The following DDX41 variants were observed in gnomAD, a reference collection of about 807,000 sequenced individuals.
The protein encoded by DDX41 is DEAD-box helicase 41.
In DDX41, 50 loss-of-function variants were observed where a neutral mutation model predicts 78.8. The ratio of observed to expected loss-of-function variants is 0.63; its 90% CI spans 0.51 to 0.80. The LOEUF is 0.80. Among genes scored for constraint, DDX41 ranks in the 30% least tolerant of loss-of-function variants. The pLI is 0.00. For missense variants in DDX41, 633 were observed against 849.2 expected (o/e 0.75, Z 3.16); for synonymous variants, 381 against 321.5 (o/e 1.19, Z -1.98).
At chr5:177,515,281 T>C (rs971665080) in intron 6 of DDX41, 23 bp from the exon 7 acceptor site, 3 of 1,613,278 alleles carry the variant, frequency 1.9e-6, no homozygotes, top group Non-Finnish European at 2.5e-6. Context: ...ACCGACATCG[T>C]CTTCATGACT....
chr5:177,516,570 C>A, intron 2 of DDX41, 123 bp from the exon 3 acceptor site: 1 of 1,417,774 alleles, frequency 7.1e-7, no homozygotes, highest in South Asian at 1.2e-5. Flanking sequence ...CCCCTCAGAT[C>A]AAGCCGTCGG....
At chr5:177,516,875 T>C in intron 1 of DDX41, 40 bp from the exon 2 acceptor site, 5 of 1,613,240 alleles carry the variant, frequency 3.1e-6, no homozygotes, top group South Asian at 1.1e-5. Flanking sequence ...TGCTCCCCTC[T>C]TCACGCCCGC....
chr5:177,511,996 C>T (rs1429683359), intron 16 of DDX41, 69 bp from the exon 17 acceptor site: 13 of 1,606,114 alleles, frequency 8.1e-6, no homozygotes, highest in Non-Finnish European at 1.1e-5. Flanking sequence ...TCGGGCCCCC[C>T]GTTAGGCACC....
intron 13 of DDX41, 66 bp downstream of exon 13, chr5:177,512,714 G>C: frequency 6.2e-7 from 1 of 1,613,184 alleles, no homozygotes; most frequent in African/African-American, 1.3e-5. Flanking sequence ...AACCAGGCAG[G>C]GGAAGGCATT....
rs1761111087 is a variant in DDX41, at chr5:177,514,099, C to T, written c.936-252G>A. 1.5e-6 allele frequency: 1 copy of T among 656,372 alleles called. No individual in the cohort carries two copies. The highest frequency in any genetic ancestry group is 2.4e-4 in the Middle Eastern group (1 of 4,198). 40.7% of individuals were successfully genotyped at this position (656,372 alleles called of 1,614,324 possible). A position where few individuals can be genotyped will look rare whatever the true frequency, so the allele number is the denominator to read the frequency against. Reference sequence around the variant, plus strand: ...TGGGTCAGCCTCTCACCCAGAAGCGCTGTCATCAAGCTCCAGAGGCTTTAC... The same window carrying T: ...TGGGTCAGCCTCTCACCCAGAAGCGTTGTCATCAAGCTCCAGAGGCTTTAC... On this transcript the variant is annotated intron_variant, in intron 9 of 16. Coordinates refer to ENST00000330503, the MANE Select transcript of DDX41 (RefSeq NM_016222.4). The surrounding 1 kb of genome is among the most constrained non-coding windows in gnomAD (Gnocchi z 4.2).
rs762515434 is a variant in DDX41, at chr5:177,515,026, C to G, written c.688G>C (p.Gly230Arg). ...GGCAACGTGAACACCAGTGTCTTGCCTGAACCCGTGAAAGCGATGCCTATC... is the reference window on the plus strand; with the variant it reads ...GGCAACGTGAACACCAGTGTCTTGCGTGAACCCGTGAAAGCGATGCCTATC... ...DMIGIAFTGS[G>R]KTLVFTLPVI... The change falls in exon 8 of 17, where the codon GGC (glycine) becomes CGC (arginine). Residue 230 changes from glycine (G) to arginine (R), a missense_variant. Gly to Arg is a moderately radical substitution (Grantham distance 125). Transcript: ENST00000330503. The G allele has an allele frequency of 6.2e-7, 1 of 1,613,690 alleles. No individual in the cohort carries two copies. The highest frequency in any genetic ancestry group is 8.5e-7 in the Non-Finnish European group (1 of 1,179,704).
At chr5:177,515,845 A>G in intron 5 of DDX41, 24 bp from the exon 6 acceptor site, 1 of 1,614,206 alleles carries the variant, frequency 6.2e-7, no homozygotes, top group African/African-American at 1.3e-5. Context: ...ACAGGGATCA[A>G]GAGAGCCCTG....
At position 177,515,826 on chromosome 5, in the gene DDX41, G is replaced by C. The variant is rs1404006286; in HGVS notation, c.435-5C>G. ...ACATAACGGGGTGGAGTCCAGCTGTGGATGGGTAACAGGGATCAAGAGAGC... is the reference window on the plus strand; with the variant it reads ...ACATAACGGGGTGGAGTCCAGCTGTCGATGGGTAACAGGGATCAAGAGAGC... On this transcript the variant is annotated splice_region_variant and splice_polypyrimidine_tract_variant and intron_variant, in intron 5 of 16. Transcript: ENST00000330503. 6.2e-7 allele frequency: 1 copy of C among 1,614,174 alleles called. No homozygotes were observed. The highest frequency in any genetic ancestry group is 1.1e-5 in the South Asian group (1 of 91,080).
In DDX41 at chr5:177,514,881, A is replaced by G. The variant is rs775258340; in HGVS notation, c.798+35T>C. 6.9e-6 allele frequency: 11 copies of G among 1,603,632 alleles called. No homozygotes were observed. Among genetic ancestry groups the G allele is most frequent in the East Asian group, 2.2e-5 (1 of 44,582 alleles). On this transcript the variant is annotated intron_variant, in intron 8 of 16. Coordinates refer to ENST00000330503, the MANE Select transcript of DDX41 (RefSeq NM_016222.4). The surrounding 1 kb of genome is among the most constrained non-coding windows in gnomAD (Gnocchi z 4.2). ...AGGCTGGCACCAGATGGCAGCCCCA[A>G]TCTCTGGCCTGCCCTCCAGGCCAGC...
Position 177,515,946 on chromosome 5 carries a change from A to T in DDX41, c.417T>A (p.Asp139Glu). The T allele has an allele frequency of 6.2e-7, 1 of 1,614,214 alleles. No individual in the cohort carries two copies. Among genetic ancestry groups the T allele is most frequent in the Non-Finnish European group, 8.5e-7 (1 of 1,180,034 alleles). ...VKEMAKGITYDDPIKTSWTPP... is the reference protein window; with the variant it reads ...VKEMAKGITYEDPIKTSWTPP... The stretch of plus-strand genomic sequence containing the variant: ...AGACATACCTGGTTTTGATGGGGTC[A>T]TCATACGTAATGCCCTTAGCCATCT... Residue 139 changes from aspartate to glutamate, a missense_variant, in exon 5 of 17, where the codon GAT (aspartate) becomes GAA (glutamate). Asp to Glu is a conservative substitution (Grantham distance 45, BLOSUM62 2). Coordinates refer to ENST00000330503, the MANE Select transcript of DDX41 (RefSeq NM_016222.4).
Position 177,513,518 on chromosome 5 carries a change from C to T in DDX41, c.1099-34G>A. ...GAGGGGGGCTGCGACCAAGGGCACA[C>T]AGGGCTGGGCTGAGGGGCATGGGGT... On this transcript the variant is annotated intron_variant, in intron 10 of 16. Coordinates refer to ENST00000330503, the MANE Select transcript of DDX41 (RefSeq NM_016222.4). This position sits in a 1 kb window ranked among gnomAD's most constrained non-coding sequence, Gnocchi z 4.6. 1 of 1,613,920 alleles carries T rather than the reference C, an allele frequency of 6.2e-7. No homozygotes were observed. The highest frequency in any genetic ancestry group is 8.5e-7 in the Non-Finnish European group (1 of 1,179,996).
rs1413731747 is a variant in DDX41, at chr5:177,516,300, C to G, written c.286G>C (p.Glu96Gln). Reference protein sequence around the residue: ...SLLDQHQHLKEKAEARKESAK... With the variant: ...SLLDQHQHLKQKAEARKESAK... ...CTGCCCAGCCCACCTTCAGCCTTCT[C>G]TTTAAGGTGCTGGTGCTGATCCAGG... Residue 96 changes from glutamate (E) to glutamine (Q), a missense_variant, in exon 3 of 17, where the codon GAG becomes CAG. Glu to Gln is a conservative substitution (Grantham distance 29). Coordinates refer to ENST00000330503, the MANE Select transcript of DDX41 (RefSeq NM_016222.4). 1.9e-6 allele frequency: 3 copies of G among 1,614,098 alleles called. No individual in the cohort carries two copies. The highest frequency in any genetic ancestry group is 1.7e-6 in the Non-Finnish European group (2 of 1,180,048).
chr5:177,516,893 C>CGCGCGGG, intron 1 of DDX41, 26 bp downstream of exon 1: 2 of 1,613,342 alleles, frequency 1.2e-6, no homozygotes, highest in Non-Finnish European at 1.7e-6. Flanking sequence ...CGCTCCCACA[C>CGCGCGGG]GCGCGGGGTC....
chr5:177,514,853 C>T lies in DDX41; in HGVS notation c.799-16G>A. 6.2e-7 allele frequency: 1 copy of T among 1,608,644 alleles called. No individual in the cohort carries two copies. The highest frequency in any genetic ancestry group is 1.1e-5 in the South Asian group (1 of 90,986). Reference sequence around the variant, plus strand: ...CCAGCTCCCGCTGCAGGCAGAGGGACAAAGGCTGGCACCAGATGGCAGCCC... The same window carrying T: ...CCAGCTCCCGCTGCAGGCAGAGGGATAAAGGCTGGCACCAGATGGCAGCCC... On this transcript the variant is annotated splice_polypyrimidine_tract_variant and intron_variant, in intron 8 of 16. Coordinates refer to ENST00000330503, the MANE Select transcript of DDX41 (RefSeq NM_016222.4). This position sits in a 1 kb window ranked among gnomAD's most constrained non-coding sequence, Gnocchi z 4.2.
At position 177,513,906 on chromosome 5, in the gene DDX41, C is replaced by G. The variant is rs1264855865; in HGVS notation, c.936-59G>C. The G allele has an allele frequency of 2.6e-6, 4 of 1,550,372 alleles. No individual in the cohort carries two copies. The East Asian group carries it at 9.0e-5, about 35-fold the overall frequency. On this transcript the variant is annotated intron_variant, in intron 9 of 16. Transcript: ENST00000330503. The surrounding 1 kb of genome is among the most constrained non-coding windows in gnomAD (Gnocchi z 4.6). ...CACTGGCCTATCACCTATCTAGAGG[C>G]AAGCAGGCACCCTGCATCTGCTCTG...
chr5:177,511,930 G>C lies in DDX41; in HGVS notation c.1733-3C>G. 6.2e-7 allele frequency: 1 copy of C among 1,613,648 alleles called. No homozygotes were observed. Among genetic ancestry groups the C allele is most frequent in the South Asian group, 1.1e-5 (1 of 91,078 alleles). ...GCAGAAGGCACAGCCGCGCTCTCCT[G>C]GGGGAATGGGGACAGGGGTCAGCCA... On this transcript the variant is annotated splice_polypyrimidine_tract_variant and splice_region_variant and intron_variant, in intron 16 of 16. Coordinates refer to ENST00000330503, the MANE Select transcript of DDX41 (RefSeq NM_016222.4).
rs1761161282 is a variant in DDX41 at position 177,515,054 on chromosome 5, G to A, written c.660C>T (p.Asp220=). 3.7e-6 allele frequency: 6 copies of A among 1,613,128 alleles called. No homozygotes were observed. The highest frequency in any genetic ancestry group is 5.1e-6 in the Non-Finnish European group (6 of 1,179,246). The change falls in exon 8 of 17, where the codon GAC becomes GAT. Residue 220 remains aspartate, a synonymous_variant. Coordinates refer to ENST00000330503, the MANE Select transcript of DDX41 (RefSeq NM_016222.4). ...QGIPTILSGR[D]MIGIAFTGSG... Reference sequence around the variant, plus strand: ...AACCCGTGAAAGCGATGCCTATCATGTCACGGCCAGATAGACTGTTGGGAG... The same window carrying A: ...AACCCGTGAAAGCGATGCCTATCATATCACGGCCAGATAGACTGTTGGGAG...
chr5:177,513,226 C>A lies in DDX41; in HGVS notation c.1230+127G>T. Reference sequence around the variant, plus strand: ...TGCCCTAAAAATGGCCCTGGTTAAGCGTCAGGGGCTTTGAATGAAACCCCC... The same window carrying A: ...TGCCCTAAAAATGGCCCTGGTTAAGAGTCAGGGGCTTTGAATGAAACCCCC... On this transcript the variant is annotated intron_variant, in intron 11 of 16. Transcript: ENST00000330503. The surrounding 1 kb of genome is among the most constrained non-coding windows in gnomAD (Gnocchi z 4.6). 2 of 1,536,152 alleles carry A rather than the reference C, an allele frequency of 1.3e-6. No individual in the cohort carries two copies. The highest frequency in any genetic ancestry group is 1.4e-5 in the African/African-American group (1 of 73,010).
intron 6 of DDX41, 154 bp from the exon 7 acceptor site, chr5:177,515,412 A>G: frequency 2.1e-6 from 2 of 965,642 alleles, no homozygotes; most frequent in Non-Finnish European, 3.2e-6. Flanking sequence ...AGAAAAAAAG[A>G]GACTTGTCCA....
Sources: allele counts gnomAD v4.1 joint callset, GRCh38; gene constraint gnomAD v4.1.1; non-coding constraint Gnocchi (gnomAD v3.1); transcripts MANE v1.5; gene names NCBI Gene and HGNC (gene_info 2026-07-23, HGNC 2026-07-21).